The following FAAH2 variants were observed in gnomAD, a reference collection of about 807,000 sequenced individuals.
FAAH2 encodes fatty acid amide hydrolase 2.
In FAAH2, 60 loss-of-function variants were observed where a neutral mutation model predicts 36.9. The observed-to-expected ratio is 1.63, with a 90% CI of 1.32 to 2.02. The LOEUF is 2.02. Ranked by LOEUF, FAAH2 falls within the 30% of genes most tolerant of loss-of-function variation. The pLI is 0.00. For missense variants in FAAH2, 689 were observed against 397.5 expected (o/e 1.73, Z -6.23); for synonymous variants, 214 against 143.8 (o/e 1.49, Z -3.49).
At chrX:57,336,997 C>T (rs1251261199) in intron 4 of FAAH2, among the ~76,000 whole-genome samples, 2 of 109,513 alleles carry the variant, frequency 1.8e-5, no homozygotes, top group African/African-American at 6.6e-5. Context: ...TAAAATAGAG[C>T]ACTAGCTAGA....
chrX:57,449,487 G>T (rs188544085), intron 10 of FAAH2, among the ~76,000 whole-genome samples: 2 of 111,798 alleles, frequency 1.8e-5, no homozygotes, highest in Non-Finnish European at 3.8e-5. Context: ...TCTATGCCTT[G>T]CAGTGTTGCA....
chrX:57,457,918 G>T (rs1318525919), intron 10 of FAAH2, among the ~76,000 whole-genome samples: 1 of 111,610 alleles, frequency 9.0e-6, no homozygotes, highest in East Asian at 2.8e-4. Context: ...AAATATTAAT[G>T]CCATTTTTAC....
the FAAH2 span, among the ~76,000 whole-genome samples, chrX:57,173,639 C>T: frequency 8.9e-6 from 1 of 111,744 alleles, no homozygotes; most frequent in Non-Finnish European, 1.9e-5. Flanking sequence ...AAATAGGCAA[C>T]CTTGTTCCAA....
intron 5 of FAAH2, among the ~76,000 whole-genome samples, chrX:57,348,265 G>A (rs369319759): frequency 4.5e-5 from 5 of 110,463 alleles, no homozygotes; most frequent in African/African-American, 9.9e-5. Context: ...CAACTACCAC[G>A]TCAACTGGCT....
At chrX:57,324,332 T>C (rs1280610149) in intron 3 of FAAH2, among the ~76,000 whole-genome samples, 1 of 112,155 alleles carries the variant, frequency 8.9e-6, no homozygotes, top group African/African-American at 3.2e-5. Flanking sequence ...GGCTCTTTTT[T>C]GGTTCCACAT....
rs1032823456 is a variant in FAAH2 at position 57,385,283 on chromosome X, A to T, written c.996+4254A>T. On this transcript the variant is annotated intron_variant, in intron 7 of 10. Transcript: ENST00000374900. ...ACCCTAAGACTTAAAGTATAATAAA[A>T]AAAAAAAAAAAAGACATGTAAAACT... 9.1e-3 allele frequency among the ~76,000 whole-genome samples: 1,000 copies of T among 109,688 alleles called. 9 individuals carry two copies. Among genetic ancestry groups the T allele is most frequent in the African/African-American group, 0.028 (854 of 30,322 alleles).
the FAAH2 span, among the ~76,000 whole-genome samples, chrX:57,252,294 C>T: frequency 3.5e-5 from 4 of 112,772 alleles, no homozygotes; most frequent in African/African-American, 6.4e-5. Flanking sequence ...TTTCTAGATT[C>T]CACCTCTGGG....
At chrX:57,264,642 A>C in the FAAH2 span, among the ~76,000 whole-genome samples, 1 of 112,746 alleles carries the variant, frequency 8.9e-6, no homozygotes, top group South Asian at 3.7e-4. Context: ...CAAAAACCTA[A>C]AAACAGCAAT....
At chrX:57,457,796 G>A (rs1029369358) in intron 10 of FAAH2, among the ~76,000 whole-genome samples, 4 of 109,222 alleles carry the variant, frequency 3.7e-5, no homozygotes, top group Non-Finnish European at 5.7e-5. Flanking sequence ...AGAAATCAGA[G>A]GTAACACAAA....
intron 5 of FAAH2, among the ~76,000 whole-genome samples, chrX:57,342,568 G>A (rs1054130290): frequency 4.5e-5 from 5 of 111,224 alleles, no homozygotes; most frequent in Non-Finnish European, 7.6e-5. Flanking sequence ...AAAGAATTAC[G>A]CACAAAAAGA....
intron 8 of FAAH2, among the ~76,000 whole-genome samples, chrX:57,433,646 T>C (rs1407013728): frequency 8.9e-6 from 1 of 112,170 alleles, no homozygotes; most frequent in East Asian, 2.8e-4. Flanking sequence ...TCTCTTGTTT[T>C]ATAATATACA....
chrX:57,157,473 G>C, the FAAH2 span, among the ~76,000 whole-genome samples: 2 of 111,510 alleles, frequency 1.8e-5, no homozygotes, highest in Non-Finnish European at 3.8e-5. Flanking sequence ...GTAGAAGTCT[G>C]CCTGGTGTTG....
At chrX:57,466,922 C>T (rs2057061200) in intron 10 of FAAH2, among the ~76,000 whole-genome samples, 1 of 111,090 alleles carries the variant, frequency 9.0e-6, no homozygotes, top group African/African-American at 3.3e-5. Context: ...ATACACAGAC[C>T]ATGCTGAATC....
intron 8 of FAAH2, among the ~76,000 whole-genome samples, chrX:57,437,158 G>T (rs1010095874): frequency 3.6e-5 from 4 of 111,174 alleles, no homozygotes; most frequent in African/African-American, 1.3e-4. Context: ...GCAGGAAAAA[G>T]CATTTAATAA....
chrX:57,373,585 G>A (rs750681734), intron 5 of FAAH2, among the ~76,000 whole-genome samples: 2 of 110,170 alleles, frequency 1.8e-5, no homozygotes, highest in Admixed American at 9.7e-5. Context: ...TTTTCTTCTC[G>A]CTAATTTGTT....
chrX:57,461,158 G>C (rs1485783539), intron 10 of FAAH2, among the ~76,000 whole-genome samples: 3 of 95,960 alleles, frequency 3.1e-5, no homozygotes, highest in African/African-American at 1.0e-4. Context: ...AAAAAAAAAA[G>C]TTCTCAGAGT....
chrX:57,365,987 G>C (rs770532885), intron 5 of FAAH2, among the ~76,000 whole-genome samples: 2 of 111,859 alleles, frequency 1.8e-5, no homozygotes, highest in South Asian at 7.5e-4. Flanking sequence ...AGTTTCTCTT[G>C]TATGTTGATG....
intron 8 of FAAH2, among the ~76,000 whole-genome samples, chrX:57,439,305 G>T (rs1602667028): frequency 9.0e-6 from 1 of 110,832 alleles, no homozygotes; most frequent in East Asian, 2.8e-4. Flanking sequence ...TAAGTGGTGT[G>T]AGATGGTATC....
intron 7 of FAAH2, among the ~76,000 whole-genome samples, chrX:57,424,051 C>A (rs185091813): frequency 1.6e-4 from 18 of 111,732 alleles, no homozygotes; most frequent in Non-Finnish European, 2.8e-4. Context: ...GCCCACACAA[C>A]CCCAGCTACT....
Sources: allele counts gnomAD v4.1 joint callset (sites outside exome capture counted in the v4.1 genomes callset), GRCh38; gene constraint gnomAD v4.1.1; transcripts MANE v1.5; gene names NCBI Gene and HGNC (gene_info 2026-07-23, HGNC 2026-07-21).